Variants in FRMD4A observed in about 807,000 individuals in gnomAD.
The protein encoded by FRMD4A is FERM domain containing 4A, also known as FERM domain-containing protein 4A.
In FRMD4A, 29 loss-of-function variants were observed where a neutral mutation model predicts 129.1. That is an observed-to-expected ratio of 0.22 (90% confidence interval 0.17 to 0.31). The LOEUF (loss-of-function observed/expected upper bound fraction) is 0.31. Among genes scored for constraint, FRMD4A ranks in the 10% least tolerant of loss-of-function variants. The probability of loss-of-function intolerance (pLI) is 1.00; values close to 1 mark genes in which losing one functional copy is unlikely to be tolerated. For missense variants in FRMD4A, 1,272 were observed against 1,375.8 expected (o/e 0.92, Z 1.19); for synonymous variants, 634 against 571.6 (o/e 1.11, Z -1.56).
At chr10:13,995,729 G>T (rs996374137) in intron 2 of FRMD4A, among the ~76,000 whole-genome samples, 1 of 152,190 alleles carries the variant, frequency 6.6e-6, no homozygotes, top group Non-Finnish European at 1.5e-5. Flanking sequence ...TGGTCTTCAG[G>T]AAGCCAAGTT....
Position 13,866,219 on chromosome 10 carries a change from A to G in FRMD4A, c.46-7307T>C, listed in dbSNP as rs555804348. 35 of 764,092 alleles carry G rather than the reference A, an allele frequency of 4.6e-5. No individual in the cohort carries two copies. The African/African-American group carries it at 5.8e-4, about 13-fold the overall frequency. 47.3% of individuals were successfully genotyped at this position (764,092 alleles called of 1,614,324 possible). A position where few individuals can be genotyped will look rare whatever the true frequency, so the allele number is the denominator to read the frequency against. On this transcript the variant is annotated intron_variant, in intron 2 of 24. Coordinates refer to ENST00000357447, the MANE Select transcript of FRMD4A (RefSeq NM_018027.5). Reference sequence around the variant, plus strand: ...CCTTTAAAACTTAGTCATCAGACAGAAAATTTAGATTTCAAAAGCCAAGGC... The same window carrying G: ...CCTTTAAAACTTAGTCATCAGACAGGAAATTTAGATTTCAAAAGCCAAGGC...
intron 3 of FRMD4A, among the ~76,000 whole-genome samples, chr10:13,841,852 T>C (rs2093971396): frequency 6.6e-6 from 1 of 152,120 alleles, no homozygotes; most frequent in African/African-American, 2.4e-5. Context: ...AGCCAGTTGA[T>C]CAAAGTAAAG....
chr10:13,724,850 G>T (rs1240509828), intron 12 of FRMD4A, among the ~76,000 whole-genome samples: 1 of 152,212 alleles, frequency 6.6e-6, no homozygotes, highest in Non-Finnish European at 1.5e-5. Context: ...AGGAGACCAG[G>T]CATTGTGTGG....
chr10:14,010,596 A>G lies in FRMD4A; in HGVS notation c.46-151684T>C, dbSNP rs569189103. 3.4e-5 allele frequency among the ~76,000 whole-genome samples: 5 copies of G among 148,600 alleles called. No individual in the cohort carries two copies. In the South Asian group the frequency reaches 8.5e-4, roughly 25 times the overall value. ...TCTCAAAGGTTGCTGGTCCAAAAAT[A>G]TCTTTCTGATTGTCTTGCCATGGGT... On this transcript the variant is annotated intron_variant, in intron 2 of 24. Coordinates refer to ENST00000357447, the MANE Select transcript of FRMD4A (RefSeq NM_018027.5).
At chr10:14,018,216 G>A (rs956096393) in intron 2 of FRMD4A, among the ~76,000 whole-genome samples, 1 of 151,610 alleles carries the variant, frequency 6.6e-6, no homozygotes, top group Non-Finnish European at 1.5e-5. Flanking sequence ...GAAGGCCGAG[G>A]CAGGCAGATC....
intron 24 of FRMD4A, chr10:13,647,263 G>A (rs1386566949): frequency 6.6e-6 from 1 of 152,284 alleles, no homozygotes; most frequent in Non-Finnish European, 1.5e-5. Context: ...ATTTGTGAAG[G>A]AGGAAAATGG....
chr10:14,096,134 C>A (rs1273220729), intron 2 of FRMD4A, among the ~76,000 whole-genome samples: 1 of 152,200 alleles, frequency 6.6e-6, no homozygotes, highest in Non-Finnish European at 1.5e-5. Flanking sequence ...AGAAGTGAGA[C>A]TTTCGGGGCT....
At chr10:14,020,228 A>C (rs533708275) in intron 2 of FRMD4A, among the ~76,000 whole-genome samples, 125 of 152,342 alleles carry the variant, frequency 8.2e-4, no homozygotes, top group African/African-American at 2.8e-3. Flanking sequence ...CGAACCCAGC[A>C]GCATAGCAGC....
intron 2 of FRMD4A, among the ~76,000 whole-genome samples, chr10:14,118,806 C>T (rs1371319710): frequency 6.6e-6 from 1 of 152,156 alleles, no homozygotes; most frequent in African/African-American, 2.4e-5. Context: ...CCCTTGGCCC[C>T]ACCCTTGACA....
chr10:14,049,176 T>A lies in FRMD4A; in HGVS notation c.46-190264A>T, dbSNP rs543580247. On this transcript the variant is annotated intron_variant, in intron 2 of 24. Transcript: ENST00000357447. ...TGTTCAGTTCATTACAGAACCAGGA[T>A]AAGAGCAGCTGAGACTTTTCTCATA... Among the ~76,000 whole-genome samples, 4 of 152,310 alleles carry A rather than the reference T, an allele frequency of 2.6e-5. No individual in the cohort carries two copies. In the South Asian group the frequency reaches 8.3e-4, roughly 32 times the overall value.
chr10:13,747,471 A>G (rs1225811283), intron 9 of FRMD4A, among the ~76,000 whole-genome samples: 2 of 151,598 alleles, frequency 1.3e-5, no homozygotes, highest in East Asian at 1.9e-4. Context: ...AGAAGTTGCA[A>G]TGAGCTGAGA....
At chr10:14,299,675 A>G (rs1489464385) in intron 2 of FRMD4A, among the ~76,000 whole-genome samples, 1 of 152,192 alleles carries the variant, frequency 6.6e-6, no homozygotes, top group African/African-American at 2.4e-5. Flanking sequence ...ATAAGCACAG[A>G]AGCCTATCTC....
chr10:14,053,155 A>T (rs942608411), intron 2 of FRMD4A, among the ~76,000 whole-genome samples: 2 of 152,120 alleles, frequency 1.3e-5, no homozygotes, highest in Non-Finnish European at 2.9e-5. Flanking sequence ...CCACAAAAAC[A>T]CTGTGCAGTG....
chr10:14,273,712 G>A lies in FRMD4A; in HGVS notation c.45+56346C>T, dbSNP rs75010643. Among the ~76,000 whole-genome samples, 419 of 152,204 alleles carry A rather than the reference G, an allele frequency of 2.8e-3. 13 individuals carry two copies. The East Asian group carries it at 0.066, about 24-fold the overall frequency. On this transcript the variant is annotated intron_variant, in intron 2 of 24. Transcript: ENST00000357447. ...TGGCTCGAGGTTCTAGGTGGTCAATGGAGTCTCCAGGGTTCTTGTTTGCAA... is the reference window on the plus strand; with the variant it reads ...TGGCTCGAGGTTCTAGGTGGTCAATAGAGTCTCCAGGGTTCTTGTTTGCAA...
intron 4 of FRMD4A, among the ~76,000 whole-genome samples, chr10:13,808,473 G>A (rs1222991822): frequency 2.6e-5 from 4 of 152,222 alleles, no homozygotes; most frequent in African/African-American, 4.8e-5. Flanking sequence ...GCCAGAGCAG[G>A]TGAACACCCA....
At chr10:14,050,002 G>T (rs1389032030) in intron 2 of FRMD4A, among the ~76,000 whole-genome samples, 1 of 152,168 alleles carries the variant, frequency 6.6e-6, no homozygotes, top group Non-Finnish European at 1.5e-5. Flanking sequence ...CCTACGACAC[G>T]GAGGCAAGAG....
At chr10:13,847,461 G>A (rs554408372) in intron 3 of FRMD4A, among the ~76,000 whole-genome samples, 2 of 152,238 alleles carry the variant, frequency 1.3e-5, no homozygotes, top group South Asian at 4.1e-4. Flanking sequence ...GGGATACCTG[G>A]CCAGGCTGCA....
chr10:13,720,122 C>G (rs1014116960), intron 12 of FRMD4A, among the ~76,000 whole-genome samples: 1 of 152,198 alleles, frequency 6.6e-6, no homozygotes, highest in South Asian at 2.1e-4. Flanking sequence ...GATCTTGGCT[C>G]ACTGCAACCT....
At position 13,877,576 on chromosome 10, in the gene FRMD4A, C is replaced by T. The variant is rs535226139; in HGVS notation, c.46-18664G>A. 3.9e-5 allele frequency among the ~76,000 whole-genome samples: 6 copies of T among 152,278 alleles called. No individual in the cohort carries two copies. The South Asian group carries it at 8.3e-4, about 21-fold the overall frequency. ...GAGCTGCAGGGAGAGCTTGGGGACC[C>T]GTAGTGCTTCCATAGGGGGAAGTTT... On this transcript the variant is annotated intron_variant, in intron 2 of 24. Transcript: ENST00000357447.
Sources: gnomAD v4.1 joint callset for allele counts (sites outside exome capture counted in the v4.1 genomes callset) on GRCh38, gnomAD v4.1.1 for gene constraint, MANE v1.5 for transcripts, NCBI Gene and HGNC (gene_info 2026-07-23, HGNC 2026-07-21) for gene names.